The following SEC24B variants were observed in gnomAD, a reference collection of about 807,000 sequenced individuals.
SEC24B encodes SEC24 homolog B, COPII component, also known as protein transport protein Sec24B.
SEC24B carries 45 observed loss-of-function variants against 142.8 expected under a neutral mutation model. The observed-to-expected ratio is 0.32, with a 90% CI of 0.25 to 0.40. The LOEUF (loss-of-function observed/expected upper bound fraction) is 0.40. Among genes scored for constraint, SEC24B ranks in the 10% least tolerant of loss-of-function variants. The pLI, the probability that SEC24B is intolerant of heterozygous loss-of-function variation, is 1.00. For missense variants in SEC24B, 1,409 were observed against 1,526.8 expected, an observed-to-expected ratio of 0.92 and a Z score of 1.29; for synonymous variants, 574 against 568.2, an observed-to-expected ratio of 1.01 and a Z score of -0.15.
rs1731664086 is a variant in SEC24B at position 109,464,603 on chromosome 4, C to T, written c.877+959C>T. ...ATTTGTGACTTGAATTTAACAGAATCTGCTTTTGAACCGAATGAAAATGCA... is the reference window on the plus strand; with the variant it reads ...ATTTGTGACTTGAATTTAACAGAATTTGCTTTTGAACCGAATGAAAATGCA... On this transcript the variant is annotated intron_variant, in intron 2 of 23. Transcript: ENST00000265175. Among the ~76,000 whole-genome samples, 4 of 152,134 alleles carry T rather than the reference C, an allele frequency of 2.6e-5. No homozygotes were observed. In the South Asian group the frequency reaches 8.3e-4, roughly 32 times the overall value.
In SEC24B at chr4:109,530,379, C is replaced by T; in HGVS notation, c.3167C>T (p.Thr1056Ile). The T allele has an allele frequency of 6.2e-7, 1 of 1,614,144 alleles. No individual in the cohort carries two copies. The highest frequency in any genetic ancestry group is 8.5e-7 in the Non-Finnish European group (1 of 1,180,006). The change falls in exon 19 of 24, where the codon ACT becomes ATT. Residue 1056 changes from threonine to isoleucine, a missense_variant. By Grantham distance (89) the Thr-to-Ile change is moderately conservative. Around this residue, in one of 2 missense-constraint regions of SEC24B, gnomAD observed 700 missense variants for 853.3 expected, o/e 0.82. Coordinates refer to ENST00000265175, the MANE Select transcript of SEC24B (RefSeq NM_006323.5). ...GACTCATTGTCTGCATATGGCTCAA[C>T]TGTCTCAAATTTACAGCACTCTGCA... ...VVDSLSAYGS[T>I]VSNLQHSALM...
At chr4:109,458,828 T>C (rs1434535247) in intron 1 of SEC24B, among the ~76,000 whole-genome samples, 1 of 148,792 alleles carries the variant, frequency 6.7e-6, no homozygotes, top group African/African-American at 2.5e-5. Flanking sequence ...TTGATCACTT[T>C]CTGTATTTTT....
intron 13 of SEC24B, 111 bp downstream of exon 13, chr4:109,521,283 A>G (rs1355011401): frequency 2.1e-6 from 2 of 956,858 alleles, no homozygotes; most frequent in East Asian, 2.6e-5. Context: ...AATAGACAAT[A>G]TAAATGGCAT....
chr4:109,452,969 G>A (rs1451444846), intron 1 of SEC24B, among the ~76,000 whole-genome samples: 1 of 152,184 alleles, frequency 6.6e-6, no homozygotes, highest in Non-Finnish European at 1.5e-5. Context: ...TTCCCTAAGT[G>A]TCAGCTGGTC....
At chr4:109,504,269 A>G (rs192486653) in intron 6 of SEC24B, among the ~76,000 whole-genome samples, 1 of 152,362 alleles carries the variant, frequency 6.6e-6, no homozygotes, top group East Asian at 1.9e-4. Flanking sequence ...GTCATTTAAA[A>G]TTCAGTCTAT....
intron 1 of SEC24B, among the ~76,000 whole-genome samples, chr4:109,456,558 A>G (rs1168697227): frequency 6.6e-6 from 1 of 152,090 alleles, no homozygotes; most frequent in Non-Finnish European, 1.5e-5. Flanking sequence ...TTATCAGGTT[A>G]AGAAAGTTTC....
rs753444922 is a variant in SEC24B, at chr4:109,538,644, CTG to C, written c.3692+51_3692+52del. On this transcript the variant is annotated intron_variant, in intron 23 of 23. Coordinates refer to ENST00000265175, the MANE Select transcript of SEC24B (RefSeq NM_006323.5). ...TATGAAGTTGTCTTTCCTATGTAGT[CTG>C]TGGAATTGCTTGTCTTCAAAGCAAA... 3.4e-5 allele frequency: 39 copies of C among 1,160,682 alleles called. 1 individual carries two copies. The East Asian group carries it at 8.3e-4, about 25-fold the overall frequency. 71.9% of individuals were successfully genotyped at this position (1,160,682 alleles called of 1,614,324 possible). A position where few individuals can be genotyped will look rare whatever the true frequency, so the allele number is the denominator to read the frequency against.
intron 9 of SEC24B, among the ~76,000 whole-genome samples, chr4:109,513,428 C>T (rs1051363267): frequency 6.6e-6 from 1 of 151,674 alleles, no homozygotes; most frequent in Admixed American, 6.6e-5. Context: ...GGATTACAGG[C>T]GCACACCACT....
Position 109,489,605 on chromosome 4 carries a change from A to G in SEC24B, c.1166-1722A>G, listed in dbSNP as rs181150152. ...CTGGGTCTTTCATATAAATAGAATT[A>G]TATATATTATATATTATAATATATA... On this transcript the variant is annotated intron_variant, in intron 4 of 23. Coordinates refer to ENST00000265175, the MANE Select transcript of SEC24B (RefSeq NM_006323.5). 1.9e-3 allele frequency among the ~76,000 whole-genome samples: 279 copies of G among 144,966 alleles called. 2 individuals are homozygous for G. Among genetic ancestry groups the G allele is most frequent in the Non-Finnish European group, 3.0e-3 (204 of 67,024 alleles).
intron 16 of SEC24B, 93 bp downstream of exon 16, chr4:109,525,597 G>A (rs1561179436): frequency 2.6e-6 from 2 of 784,264 alleles, no homozygotes; most frequent in Non-Finnish European, 1.9e-6. Flanking sequence ...TGTTCATGAT[G>A]GAAGACTGTT....
chr4:109,489,283 A>C (rs1254047607), intron 4 of SEC24B, among the ~76,000 whole-genome samples: 1 of 151,830 alleles, frequency 6.6e-6, no homozygotes, highest in Non-Finnish European at 1.5e-5. Context: ...GAAGGGGTCC[A>C]GCTTTGTTCT....
At chr4:109,470,695 T>C (rs1409602710) in intron 2 of SEC24B, among the ~76,000 whole-genome samples, 1 of 152,150 alleles carries the variant, frequency 6.6e-6, no homozygotes, top group Non-Finnish European at 1.5e-5. Context: ...AAATTGGAAA[T>C]AACCTAAAAG....
At position 109,530,358 on chromosome 4, in the gene SEC24B, C is replaced by T. The variant is rs199826133; in HGVS notation, c.3146C>T (p.Ser1049Leu). ...RDALVNAVVD[S>L]LSAYGSTVSN... ...GCCTTAGTGAATGCTGTAGTGGACTCATTGTCTGCATATGGCTCAACTGTC... is the reference window on the plus strand; with the variant it reads ...GCCTTAGTGAATGCTGTAGTGGACTTATTGTCTGCATATGGCTCAACTGTC... Residue 1049 changes from serine (S) to leucine (L), a missense_variant, in exon 19 of 24, where the codon TCA becomes TTA. Transcript: ENST00000265175. 9.9e-6 allele frequency: 16 copies of T among 1,614,078 alleles called. No individual in the cohort carries two copies. The highest frequency in any genetic ancestry group is 2.7e-5 in the African/African-American group (2 of 75,040).
At chr4:109,472,980 G>A (rs773407284) in intron 2 of SEC24B, 24 bp from the exon 3 acceptor site, 1 of 1,420,730 alleles carries the variant, frequency 7.0e-7, no homozygotes, top group Non-Finnish European at 9.3e-7. Context: ...AGTTTCTGTG[G>A]ATGAAATAGT....
intron 21 of SEC24B, 33 bp downstream of exon 21, chr4:109,532,776 G>A (rs1561190397): frequency 5.4e-6 from 6 of 1,105,560 alleles, no homozygotes; most frequent in Admixed American, 5.3e-5. Flanking sequence ...GCTTAACACT[G>A]TTTGAGCTGA....
chr4:109,435,957 G>A (rs539615025), intron 1 of SEC24B, among the ~76,000 whole-genome samples: 4 of 152,304 alleles, frequency 2.6e-5, no homozygotes, highest in Admixed American at 2.0e-4. Flanking sequence ...AAAGTGCAGG[G>A]CATGCTTGGA....
At chr4:109,482,006 CTT>C (rs1733791927) in intron 4 of SEC24B, among the ~76,000 whole-genome samples, 1 of 152,214 alleles carries the variant, frequency 6.6e-6, no homozygotes, top group African/African-American at 2.4e-5. Context: ...CAGAATTCCT[CTT>C]TCATGACAGT....
intron 9 of SEC24B, among the ~76,000 whole-genome samples, chr4:109,513,208 C>T (rs1047785798): frequency 7.3e-5 from 11 of 151,230 alleles, no homozygotes; most frequent in Middle Eastern, 3.4e-3. Flanking sequence ...CTCCTGACCT[C>T]GTGATCTTCC....
At chr4:109,488,479 G>A (rs971278619) in intron 4 of SEC24B, among the ~76,000 whole-genome samples, 7 of 152,066 alleles carry the variant, frequency 4.6e-5, no homozygotes, top group East Asian at 1.9e-4. Context: ...TATTCCATAT[G>A]TGAATGTATC....
Sources: allele counts gnomAD v4.1 joint callset (sites outside exome capture counted in the v4.1 genomes callset), GRCh38; gene constraint gnomAD v4.1.1; regional missense constraint gnomAD v4.1.1; transcripts MANE v1.5; gene names NCBI Gene and HGNC (gene_info 2026-07-23, HGNC 2026-07-21).